GALNT17: variants seen among roughly 807,000 people sequenced by gnomAD.
GALNT17 encodes UDP-GalNAc:polypeptide N-acetylgalactosaminyltransferase-like 3.
In GALNT17, 29 loss-of-function variants were observed where a neutral mutation model predicts 63.7. The ratio of observed to expected loss-of-function variants is 0.46; its 90% CI spans 0.34 to 0.62. The LOEUF (loss-of-function observed/expected upper bound fraction) is 0.62, where lower values mean the gene tolerates loss of function less well. Among genes scored for constraint, GALNT17 ranks in the 20% least tolerant of loss-of-function variants. The probability of loss-of-function intolerance (pLI) is 0.01; values close to 1 mark genes in which losing one functional copy is unlikely to be tolerated. For synonymous variants in GALNT17, 305 were observed against 318.3 expected (o/e 0.96, Z 0.45); for missense variants, 603 against 799.6 (o/e 0.75, Z 2.97).
At chr7:71,484,261 G>T (rs1349862099) in intron 5 of GALNT17, among the ~76,000 whole-genome samples, 2 of 152,180 alleles carry the variant, frequency 1.3e-5, no homozygotes, top group Non-Finnish European at 2.9e-5. Context: ...ACTGAGGCGG[G>T]CGGATCACTT....
intron 6 of GALNT17, among the ~76,000 whole-genome samples, chr7:71,616,857 A>G (rs1281566867): frequency 1.4e-5 from 2 of 142,748 alleles, no homozygotes; most frequent in Non-Finnish European, 1.5e-5. Context: ...ATTGCATATT[A>G]TATTATAAAA....
At chr7:71,567,567 C>T (rs567066380) in intron 5 of GALNT17, among the ~76,000 whole-genome samples, 99 of 152,316 alleles carry the variant, frequency 6.5e-4, no homozygotes, top group African/African-American at 2.1e-3. Flanking sequence ...CAGGTTCAAG[C>T]GATTCTCCTG....
chr7:71,634,443 A>G (rs1790499349), intron 6 of GALNT17, among the ~76,000 whole-genome samples: 1 of 152,320 alleles, frequency 6.6e-6, no homozygotes, highest in East Asian at 1.9e-4. Context: ...GAGACATGAG[A>G]CATCAATCAA....
rs1583800569 is a variant in GALNT17, at chr7:71,252,826, C to T, written c.239-82724C>T. Among the ~76,000 whole-genome samples the T allele has an allele frequency of 1.3e-5, 2 of 152,208 alleles. 1 individual carries two copies. Among genetic ancestry groups the T allele is most frequent in the South Asian group, 4.1e-4 (2 of 4,838 alleles). ...CAAAGATAAAAGGCTGCATACCTCC[C>T]TCACGATTTATTCATGAGGAAATTC... On this transcript the variant is annotated intron_variant, in intron 1 of 10. Coordinates refer to ENST00000333538, the MANE Select transcript of GALNT17 (RefSeq NM_022479.3).
intron 1 of GALNT17, among the ~76,000 whole-genome samples, chr7:71,265,391 T>C (rs1790476168): frequency 6.6e-6 from 1 of 151,714 alleles, no homozygotes; most frequent in Non-Finnish European, 1.5e-5. Context: ...TCCCAAGGTG[T>C]TGGGATTACA....
At chr7:71,341,971 T>C (rs1004468851) in intron 2 of GALNT17, among the ~76,000 whole-genome samples, 1 of 152,192 alleles carries the variant, frequency 6.6e-6, no homozygotes, top group Non-Finnish European at 1.5e-5. Flanking sequence ...GAGGTATGTC[T>C]CTAAAGGAGG....
intron 1 of GALNT17, among the ~76,000 whole-genome samples, chr7:71,257,496 A>G (rs1369612806): frequency 6.6e-6 from 1 of 152,210 alleles, no homozygotes; most frequent in African/African-American, 2.4e-5. Context: ...TAGAAGTGAA[A>G]AATAGAAATG....
chr7:71,369,087 C>T (rs1245080106), intron 2 of GALNT17, among the ~76,000 whole-genome samples: 4 of 152,180 alleles, frequency 2.6e-5, no homozygotes, highest in Non-Finnish European at 4.4e-5. Context: ...AGTATTTCTA[C>T]AATTATAGGT....
At chr7:71,551,193 A>G (rs1258514400) in intron 5 of GALNT17, among the ~76,000 whole-genome samples, 1 of 152,036 alleles carries the variant, frequency 6.6e-6, no homozygotes, top group African/African-American at 2.4e-5. Context: ...CTTCTGTCTT[A>G]GCCTCTAGTT....
intron 5 of GALNT17, among the ~76,000 whole-genome samples, chr7:71,522,159 C>A (rs947814731): frequency 3.9e-5 from 6 of 152,038 alleles, no homozygotes; most frequent in Non-Finnish European, 7.4e-5. Context: ...GAAAACAGAC[C>A]GTGCTGGAAA....
chr7:71,529,305 G>T (rs545683910), intron 5 of GALNT17, among the ~76,000 whole-genome samples: 43 of 115,728 alleles, frequency 3.7e-4, no homozygotes, highest in African/African-American at 1.8e-3. Context: ...TTCAAGGGAT[G>T]GGGGGGCAAT....
At chr7:71,527,139 T>C (rs1459960807) in intron 5 of GALNT17, among the ~76,000 whole-genome samples, 1 of 152,228 alleles carries the variant, frequency 6.6e-6, no homozygotes, top group African/African-American at 2.4e-5. Flanking sequence ...ATTGTGATTG[T>C]TGATGTAGCT....
At chr7:71,433,930 A>C (rs1368299435) in intron 5 of GALNT17, among the ~76,000 whole-genome samples, 2 of 121,186 alleles carry the variant, frequency 1.7e-5, no homozygotes. Context: ...ATCAGCTGCC[A>C]GCGTGGCTAG....
At chr7:71,654,236 C>T (rs993792436) in intron 6 of GALNT17, among the ~76,000 whole-genome samples, 2 of 152,070 alleles carry the variant, frequency 1.3e-5, no homozygotes, top group African/African-American at 2.4e-5. Flanking sequence ...AGGATGGTCT[C>T]CATCTCCTGA....
At position 71,500,415 on chromosome 7, in the gene GALNT17, C is replaced by T. The variant is rs548234763; in HGVS notation, c.963-70870C>T. On this transcript the variant is annotated intron_variant, in intron 5 of 10. Transcript: ENST00000333538. ...GACCCTATTCGTGGTCCTCCTTGAT[C>T]CTCCACCTACCACCATCATGAGTGA... 3.2e-4 allele frequency among the ~76,000 whole-genome samples: 49 copies of T among 152,270 alleles called. No homozygotes were observed. The South Asian group carries it at 0.01, about 32-fold the overall frequency.
intron 3 of GALNT17, among the ~76,000 whole-genome samples, chr7:71,409,510 CAGTA>C (rs546692406): frequency 2.4e-3 from 358 of 152,284 alleles, no homozygotes; most frequent in African/African-American, 8.3e-3. Flanking sequence ...TTGAAATATT[CAGTA>C]AGTCTCATCA....
At chr7:71,645,967 G>A (rs1426471082) in intron 6 of GALNT17, among the ~76,000 whole-genome samples, 3 of 152,146 alleles carry the variant, frequency 2.0e-5, no homozygotes, top group Non-Finnish European at 4.4e-5. Context: ...AAATTATCTG[G>A]TATCACCAGC....
intron 2 of GALNT17, among the ~76,000 whole-genome samples, chr7:71,356,473 C>G (rs1047299513): frequency 6.6e-6 from 1 of 152,194 alleles, no homozygotes; most frequent in Non-Finnish European, 1.5e-5. Flanking sequence ...TGTCAAAGGC[C>G]TGAGGCTGTG....
intron 2 of GALNT17, among the ~76,000 whole-genome samples, chr7:71,373,098 GA>G (rs1792656251): frequency 6.6e-6 from 1 of 152,134 alleles, no homozygotes; most frequent in Non-Finnish European, 1.5e-5. Flanking sequence ...TTATATTGAG[GA>G]AAAACTCAGT....
Sources: gnomAD v4.1 joint callset for allele counts (sites outside exome capture counted in the v4.1 genomes callset) on GRCh38, gnomAD v4.1.1 for gene constraint, MANE v1.5 for transcripts, NCBI Gene and HGNC (gene_info 2026-07-23, HGNC 2026-07-21) for gene names.